Variants in ELF1 observed in about 807,000 individuals in gnomAD.
ELF1 encodes the protein E74 like ETS transcription factor 1.
A neutral mutation model predicts 59.9 loss-of-function variants in ELF1; 24 were observed. That is an observed-to-expected ratio of 0.40 (90% CI 0.29 to 0.56). ELF1 has a LOEUF of 0.56. Ranked by LOEUF, ELF1 falls within the 20% of genes least tolerant of loss-of-function variation. ELF1 has a pLI of 0.44. For synonymous variants in ELF1, 248 were observed against 266.2 expected (o/e 0.93, Z 0.67); for missense variants, 627 against 742.2 (o/e 0.84, Z 1.80).
At chr13:40,944,533 C>A (rs934396856) in intron 5 of ELF1, among the ~76,000 whole-genome samples, 5 of 152,166 alleles carry the variant, frequency 3.3e-5, no homozygotes, top group African/African-American at 1.2e-4. Flanking sequence ...CCTTTCAATT[C>A]ACAACAAACT....
At chr13:41,054,126 A>T (rs7327554) in intron 1 of ELF1, among the ~76,000 whole-genome samples, 298 of 152,280 alleles carry the variant, frequency 2.0e-3, no homozygotes, top group African/African-American at 6.5e-3. Context: ...ACAATATTTT[A>T]AAAAACCAAC....
intron 1 of ELF1, among the ~76,000 whole-genome samples, chr13:40,986,637 C>T (rs1873559759): frequency 1.4e-5 from 1 of 73,330 alleles, no homozygotes; most frequent in South Asian, 6.1e-4. Context: ...CCTGCTGCTT[C>T]AAGGCGAGGA....
intron 2 of ELF1, among the ~76,000 whole-genome samples, chr13:40,981,594 G>A (rs937038460): frequency 1.3e-5 from 2 of 152,024 alleles, no homozygotes; most frequent in Non-Finnish European, 2.9e-5. Context: ...GACCGCTAAC[G>A]TTGTCTCATC....
At chr13:41,014,210 T>C (rs2138373598) in intron 1 of ELF1, among the ~76,000 whole-genome samples, 1 of 152,312 alleles carries the variant, frequency 6.6e-6, no homozygotes, top group Middle Eastern at 3.4e-3. Context: ...CAGGCTCCTT[T>C]TCATTATAGA....
chr13:41,060,634 T>C (rs1162798512), intron 1 of ELF1, among the ~76,000 whole-genome samples: 1 of 151,982 alleles, frequency 6.6e-6, no homozygotes. Context: ...GCTTATTTTC[T>C]ACAAACTCAC....
intron 1 of ELF1, among the ~76,000 whole-genome samples, chr13:40,986,176 A>G (rs35626522): frequency 0.2 from 29,691 of 152,176 alleles, 4,118 homozygotes; most frequent in African/African-American, 0.37. Flanking sequence ...AACACAAAGC[A>G]GTTCAGAGAA....
At chr13:40,984,539 T>C (rs144761771) in intron 1 of ELF1, among the ~76,000 whole-genome samples, 10 of 152,292 alleles carry the variant, frequency 6.6e-5, no homozygotes, top group Admixed American at 2.0e-4. Context: ...GTACTCCAGC[T>C]TGCATTACAG....
At chr13:41,013,089 T>C (rs1174276446) in intron 1 of ELF1, among the ~76,000 whole-genome samples, 1 of 152,172 alleles carries the variant, frequency 6.6e-6, no homozygotes, top group African/African-American at 2.4e-5. Flanking sequence ...CTGAAATGCA[T>C]CAACTGTCCA....
intron 1 of ELF1, among the ~76,000 whole-genome samples, chr13:41,037,597 C>T (rs557874886): frequency 1.3e-5 from 2 of 152,128 alleles, no homozygotes; most frequent in Admixed American, 1.3e-4. Flanking sequence ...GAGTTTGAGA[C>T]CAGCCTGGCC....
chr13:41,044,777 C>T (rs559979951), intron 1 of ELF1, among the ~76,000 whole-genome samples: 12 of 152,080 alleles, frequency 7.9e-5, no homozygotes, highest in African/African-American at 2.7e-4. Flanking sequence ...TGTCTCTGCC[C>T]GGCTTTGGTA....
chr13:41,047,060 T>C (rs1043760473), intron 1 of ELF1, among the ~76,000 whole-genome samples: 3 of 152,238 alleles, frequency 2.0e-5, no homozygotes, highest in Non-Finnish European at 4.4e-5. Flanking sequence ...TTTCTTCCAG[T>C]TGATCAAATC....
At chr13:40,968,285 C>T (rs1361532872) in intron 2 of ELF1, among the ~76,000 whole-genome samples, 1 of 152,110 alleles carries the variant, frequency 6.6e-6, no homozygotes, top group Non-Finnish European at 1.5e-5. Context: ...TAAAGGAAAT[C>T]GCTACACACA....
At chr13:40,954,460 C>T (rs1871073729) in intron 3 of ELF1, among the ~76,000 whole-genome samples, 1 of 150,702 alleles carries the variant, frequency 6.6e-6, no homozygotes, top group Admixed American at 6.6e-5. Flanking sequence ...CCACGGTCTC[C>T]CTCTCCCTCT....
chr13:41,018,924 T>C (rs1399985371), intron 1 of ELF1, among the ~76,000 whole-genome samples: 5 of 152,188 alleles, frequency 3.3e-5, no homozygotes, highest in African/African-American at 1.2e-4. Flanking sequence ...TTGACCTTAG[T>C]TTGCTTTGTG....
chr13:41,054,272 T>A (rs1337668769), intron 1 of ELF1, among the ~76,000 whole-genome samples: 1 of 152,196 alleles, frequency 6.6e-6, no homozygotes, highest in Non-Finnish European at 1.5e-5. Context: ...AGAGAAAAAA[T>A]TAATTTCAAG....
intron 3 of ELF1, among the ~76,000 whole-genome samples, chr13:40,954,420 G>GCTTTCCCTCTCCCTCCTCTCC (rs1555272332): frequency 4.0e-5 from 6 of 148,258 alleles, no homozygotes; most frequent in Admixed American, 6.7e-5. Context: ...AAAGTGTGTA[G>GCTTTCCCTCTCCCTCCTCTCC]CTCTCCCTCT....
chr13:41,007,146 A>C (rs1874807272), intron 1 of ELF1, among the ~76,000 whole-genome samples: 2 of 152,102 alleles, frequency 1.3e-5, no homozygotes, highest in South Asian at 2.1e-4. Flanking sequence ...TGCCGCTCAC[A>C]AAAAGTGTTC....
chr13:40,962,500 C>T (rs1397361997), intron 2 of ELF1, among the ~76,000 whole-genome samples: 9 of 151,478 alleles, frequency 5.9e-5, no homozygotes, highest in Admixed American at 1.3e-4. Flanking sequence ...CTGGCCAACA[C>T]GGTGAAACCT....
chr13:41,024,542 A>T (rs1256735920), intron 1 of ELF1, among the ~76,000 whole-genome samples: 2 of 151,978 alleles, frequency 1.3e-5, no homozygotes, highest in East Asian at 3.9e-4. Context: ...TGTCTGGCTA[A>T]TTTTTGTATT....
Sources: gnomAD v4.1 joint callset for allele counts (sites outside exome capture counted in the v4.1 genomes callset) on GRCh38, gnomAD v4.1.1 for gene constraint, MANE v1.5 for transcripts, NCBI Gene and HGNC (gene_info 2026-07-23, HGNC 2026-07-21) for gene names.